The following GABRG3 variants were observed in gnomAD, a reference collection of about 807,000 sequenced individuals.
GABRG3 encodes gamma-aminobutyric acid type A receptor subunit gamma3.
A neutral mutation model predicts 48.8 loss-of-function variants in GABRG3; 25 were observed. That is an observed-to-expected ratio of 0.51 (90% CI 0.37 to 0.72). The LOEUF (loss-of-function observed/expected upper bound fraction) is 0.72. Among genes scored for constraint, GABRG3 ranks in the 30% least tolerant of loss-of-function variants. The probability of loss-of-function intolerance (pLI) is 0.00; values close to 1 mark genes in which losing one functional copy is unlikely to be tolerated. For synonymous variants in GABRG3, 227 were observed against 217.6 expected (o/e 1.04, Z -0.38); for missense variants, 394 against 577.9 (o/e 0.68, Z 3.26).
chr15:26,984,339 A>G (rs1446966616), intron 2 of GABRG3, among the ~76,000 whole-genome samples: 2 of 152,244 alleles, frequency 1.3e-5, no homozygotes, highest in African/African-American at 4.8e-5. Context: ...ATCAGGAAAC[A>G]ATTGTGCATC....
chr15:27,297,978 TAA>T (rs879767059), intron 3 of GABRG3, among the ~76,000 whole-genome samples: 1 of 108,112 alleles, frequency 9.2e-6, no homozygotes, highest in Non-Finnish European at 2.6e-5. Context: ...ATAATTTTTT[TAA>T]TAAATTAAAA....
At chr15:27,532,490 T>A in intron 9 of GABRG3, 110 bp from the exon 10 acceptor site, 42 of 704,454 alleles carry the variant, frequency 6.0e-5, no homozygotes, top group Non-Finnish European at 7.4e-5. Context: ...CACCCACGCA[T>A]CCTCTTTATC....
intron 3 of GABRG3, among the ~76,000 whole-genome samples, chr15:27,132,754 A>C (rs1351272653): frequency 6.6e-6 from 1 of 151,232 alleles, no homozygotes; most frequent in African/African-American, 2.4e-5. Flanking sequence ...TTTTCAAAGA[A>C]TCAACTCTTA....
At chr15:27,040,263 C>T (rs1896253524) in intron 3 of GABRG3, among the ~76,000 whole-genome samples, 1 of 152,206 alleles carries the variant, frequency 6.6e-6, no homozygotes, top group Admixed American at 6.5e-5. Flanking sequence ...ACTTCTTTGT[C>T]CCTTGAAGAG....
chr15:27,140,156 C>T (rs2140389127), intron 3 of GABRG3, among the ~76,000 whole-genome samples: 1 of 152,276 alleles, frequency 6.6e-6, no homozygotes, highest in Non-Finnish European at 1.5e-5. Flanking sequence ...TGTTCTAGCA[C>T]ATTAACCAAA....
chr15:27,268,099 T>G (rs1454077258), intron 3 of GABRG3, among the ~76,000 whole-genome samples: 1 of 152,150 alleles, frequency 6.6e-6, no homozygotes, highest in Non-Finnish European at 1.5e-5. Flanking sequence ...TTCTGGAAGG[T>G]GTGTAGACAG....
chr15:27,502,280 A>G (rs1890659739), intron 6 of GABRG3, among the ~76,000 whole-genome samples: 1 of 152,216 alleles, frequency 6.6e-6, no homozygotes, highest in Non-Finnish European at 1.5e-5. Context: ...TTTGATCCAT[A>G]GGCTGTTTAA....
At chr15:27,066,676 C>T (rs1395087083) in intron 3 of GABRG3, among the ~76,000 whole-genome samples, 1 of 152,026 alleles carries the variant, frequency 6.6e-6, no homozygotes, top group East Asian at 1.9e-4. Context: ...CAGAGAGAGG[C>T]CAGAGCCTGA....
intron 5 of GABRG3, among the ~76,000 whole-genome samples, chr15:27,337,801 T>C (rs1444670447): frequency 6.6e-6 from 1 of 152,204 alleles, no homozygotes; most frequent in East Asian, 1.9e-4. Flanking sequence ...ATAAAATCTA[T>C]GCAAATATGC....
rs144187424 is a variant in GABRG3, at chr15:27,270,426, A to G, written c.271-56383A>G. ...GCCCTGTTTGTTCGACTCAGAAATC[A>G]TAGCCAGACAGATGGAGAGGAAAAG... On this transcript the variant is annotated intron_variant, in intron 3 of 9. Coordinates refer to ENST00000615808, the MANE Select transcript of GABRG3 (RefSeq NM_033223.5). Among the ~76,000 whole-genome samples the G allele has an allele frequency of 9.8e-5, 15 of 152,322 alleles. No homozygotes were observed. The East Asian group carries it at 2.7e-3, about 27-fold the overall frequency.
chr15:27,093,659 G>A (rs1407604364), intron 3 of GABRG3, among the ~76,000 whole-genome samples: 1 of 152,076 alleles, frequency 6.6e-6, no homozygotes, highest in Non-Finnish European at 1.5e-5. Context: ...ATTTTAGAAA[G>A]ATATCAGGCT....
intron 6 of GABRG3, among the ~76,000 whole-genome samples, chr15:27,511,059 G>A (rs1199482327): frequency 2.0e-5 from 3 of 152,092 alleles, no homozygotes; most frequent in African/African-American, 7.2e-5. Context: ...GGAAACAATA[G>A]AATGCCAGAA....
rs140853604 is a variant in GABRG3, at chr15:27,214,253, C to T, written c.271-112556C>T. ...TCATAGCAACAGCAGTGTTTTTAAC[C>T]ACGGAATGTGAAATGAACATTCTGA... On this transcript the variant is annotated intron_variant, in intron 3 of 9. Transcript: ENST00000615808. Among the ~76,000 whole-genome samples, 132 of 152,266 alleles carry T rather than the reference C, an allele frequency of 8.7e-4. 3 individuals carry two copies. The East Asian group carries it at 0.023, about 27-fold the overall frequency.
At chr15:27,325,390 C>G (rs1893578522) in intron 3 of GABRG3, among the ~76,000 whole-genome samples, 1 of 152,186 alleles carries the variant, frequency 6.6e-6, no homozygotes, top group Non-Finnish European at 1.5e-5. Context: ...GCCATGGCTG[C>G]TGAGCCATGA....
chr15:27,271,184 G>T (rs536541509), intron 3 of GABRG3, among the ~76,000 whole-genome samples: 1 of 152,188 alleles, frequency 6.6e-6, no homozygotes, highest in Non-Finnish European at 1.5e-5. Flanking sequence ...AGGAGTACCC[G>T]AGAGGACAAG....
At chr15:27,359,847 A>T (rs1894963894) in intron 5 of GABRG3, among the ~76,000 whole-genome samples, 1 of 152,252 alleles carries the variant, frequency 6.6e-6, no homozygotes, top group Non-Finnish European at 1.5e-5. Flanking sequence ...TTATCTGAAC[A>T]TCTTTTTAAA....
chr15:27,066,785 A>T (rs2140729435), intron 3 of GABRG3, among the ~76,000 whole-genome samples: 1 of 152,298 alleles, frequency 6.6e-6, no homozygotes, highest in South Asian at 2.1e-4. Flanking sequence ...CTTCCAGAAT[A>T]ATCCCTTTCC....
intron 3 of GABRG3, among the ~76,000 whole-genome samples, chr15:27,169,443 T>C (rs1433631326): frequency 5.9e-5 from 9 of 151,968 alleles, no homozygotes; most frequent in African/African-American, 2.2e-4. Flanking sequence ...ACGAGAAGCA[T>C]GTTGGTAGGT....
chr15:27,463,182 G>T (rs1889500483), intron 5 of GABRG3, among the ~76,000 whole-genome samples: 7 of 151,990 alleles, frequency 4.6e-5, no homozygotes, highest in Admixed American at 4.6e-4. Context: ...GTATAAAAAT[G>T]TAAATAAAAC....
Sources: allele counts gnomAD v4.1 joint callset (sites outside exome capture counted in the v4.1 genomes callset), GRCh38; gene constraint gnomAD v4.1.1; transcripts MANE v1.5; gene names NCBI Gene and HGNC (gene_info 2026-07-23, HGNC 2026-07-21).